The following SYN2 variants were observed in gnomAD, a reference collection of about 807,000 sequenced individuals.
SYN2 encodes the protein synapsin-2.
In SYN2, 19 loss-of-function variants were observed where a neutral mutation model predicts 50.9. The observed-to-expected ratio is 0.37, with a 90% CI of 0.26 to 0.55. The LOEUF (loss-of-function observed/expected upper bound fraction) is 0.55. Among genes scored for constraint, SYN2 ranks in the 20% least tolerant of loss-of-function variants. The pLI is 0.81. For missense variants in SYN2, 587 were observed against 576.4 expected, an observed-to-expected ratio of 1.02 and a Z score of -0.19; for synonymous variants, 255 against 224.9, an observed-to-expected ratio of 1.13 and a Z score of -1.20.
In SYN2 at chr3:12,167,207, T is replaced by G. The variant is rs746434816; in HGVS notation, c.981-27T>G. ...TCTTGCTGGTGTGGCTCACTGCCTG[T>G]CCTATCCTGGTGGGATCTTGTTGCA... On this transcript the variant is annotated intron_variant, in intron 7 of 12. Transcript: ENST00000621198. The G allele has an allele frequency of 3.7e-6, 6 of 1,608,720 alleles. No homozygotes were observed. In the Admixed American group the frequency reaches 8.4e-5, roughly 23 times the overall value.
intron 1 of SYN2, among the ~76,000 whole-genome samples, chr3:12,021,771 A>G (rs552913822): frequency 3.3e-5 from 5 of 152,100 alleles, no homozygotes; most frequent in African/African-American, 4.8e-5. Flanking sequence ...TGAAGATAAG[A>G]ATCAGATTCT....
chr3:12,166,769 C>T (rs1490054102), intron 7 of SYN2, among the ~76,000 whole-genome samples: 1 of 152,106 alleles, frequency 6.6e-6, no homozygotes, highest in Non-Finnish European at 1.5e-5. Context: ...TGATGGAATT[C>T]AGTTTGTATG....
intron 1 of SYN2, among the ~76,000 whole-genome samples, chr3:12,016,017 C>T (rs1262898763): frequency 6.6e-6 from 1 of 152,196 alleles, no homozygotes; most frequent in African/African-American, 2.4e-5. Flanking sequence ...AAATTGAGAT[C>T]CCCTTTCTCT....
chr3:12,139,320 G>A (rs795093), intron 1 of SYN2, among the ~76,000 whole-genome samples: 97,046 of 152,092 alleles, frequency 0.64, 33,595 homozygotes, highest in South Asian at 0.78. Context: ...TAAGTCCCTT[G>A]TGAGTGGAAG....
intron 1 of SYN2, among the ~76,000 whole-genome samples, chr3:12,111,947 G>T (rs1696326081): frequency 6.6e-6 from 1 of 152,166 alleles, no homozygotes; most frequent in Admixed American, 6.6e-5. Flanking sequence ...TCTGGGTCAT[G>T]GCATCATTGT....
intron 1 of SYN2, among the ~76,000 whole-genome samples, chr3:12,033,428 G>T (rs1253761088): frequency 6.6e-6 from 1 of 152,206 alleles, no homozygotes; most frequent in African/African-American, 2.4e-5. Flanking sequence ...GCTGTGACCA[G>T]TGGTAAGCTT....
At chr3:12,142,372 A>C (rs1697040459) in intron 3 of SYN2, among the ~76,000 whole-genome samples, 1 of 152,196 alleles carries the variant, frequency 6.6e-6, no homozygotes. Flanking sequence ...AGACTTGAAA[A>C]TGTCTGATGT....
intron 1 of SYN2, among the ~76,000 whole-genome samples, chr3:12,048,963 G>A (rs35976104): frequency 0.17 from 25,835 of 152,146 alleles, 2,878 homozygotes; most frequent in Non-Finnish European, 0.25. Flanking sequence ...GAACCTATAT[G>A]TCAGTCTTTT....
chr3:12,070,391 A>T (rs754550794), intron 1 of SYN2: 136 of 528,852 alleles, frequency 2.6e-4, no homozygotes, highest in Admixed American at 4.2e-4. Flanking sequence ...TACGTGGGTG[A>T]TGAGGCCCAG....
At chr3:12,074,656 G>A (rs1574925417) in intron 1 of SYN2, among the ~76,000 whole-genome samples, 1 of 152,042 alleles carries the variant, frequency 6.6e-6, no homozygotes, top group African/African-American at 2.4e-5. Context: ...TCTGTGGCTT[G>A]GATTTATACA....
intron 1 of SYN2, among the ~76,000 whole-genome samples, chr3:12,085,401 T>C (rs1695681146): frequency 6.6e-6 from 1 of 151,726 alleles, no homozygotes; most frequent in Admixed American, 6.6e-5. Context: ...ACGCACTCGA[T>C]GTCAGAGCAC....
Position 12,189,122 on chromosome 3 carries a change from TG to T in SYN2, c.1614-1367del, listed in dbSNP as rs564852622. Reference sequence around the variant, plus strand: ...CAGTTCTGTAGAAGGGAGTTTCTCCTGAGCTGCACCCAGCATTTAAGGGAGG... The same window carrying T: ...CAGTTCTGTAGAAGGGAGTTTCTCCTAGCTGCACCCAGCATTTAAGGGAGG... On this transcript the variant is annotated intron_variant, in intron 12 of 12. Transcript: ENST00000621198. Among the ~76,000 whole-genome samples the T allele has an allele frequency of 3.0e-3, 453 of 152,306 alleles. 2 individuals are homozygous for T. Among genetic ancestry groups the T allele is most frequent in the Non-Finnish European group, 5.7e-3 (389 of 68,012 alleles).
chr3:12,187,434 C>G lies in SYN2; in HGVS notation c.1435C>G (p.Pro479Ala), dbSNP rs536233797. Residue 479 changes from proline to alanine, a missense_variant, in exon 12 of 13, where the codon CCT becomes GCT. By Grantham distance (27) the Pro-to-Ala change is conservative (BLOSUM62 -1). Transcript: ENST00000621198. ...GGTGCTGCCTCCACGCCGGCTCCCC[C>G]CTGGACCATCACTGCCACCTTCCTC... ...GKVLPPRRLP[P>A]GPSLPPSSSS... 2.3e-5 allele frequency: 35 copies of G among 1,552,780 alleles called. No individual in the cohort carries two copies. The highest frequency in any genetic ancestry group is 6.8e-5 in the African/African-American group (5 of 73,110).
At chr3:12,051,319 G>A (rs1245706856) in intron 1 of SYN2, among the ~76,000 whole-genome samples, 2 of 149,288 alleles carry the variant, frequency 1.3e-5, no homozygotes, top group African/African-American at 4.9e-5. Flanking sequence ...AAGTTCCCTG[G>A]TGGCTTTTTT....
chr3:12,141,769 A>G, intron 2 of SYN2, 136 bp from the exon 3 acceptor site: 3 of 633,122 alleles, frequency 4.7e-6, no homozygotes, highest in Non-Finnish European at 5.9e-6. Flanking sequence ...TTGCTATTAG[A>G]ATTAGACTAA....
intron 1 of SYN2, among the ~76,000 whole-genome samples, chr3:12,045,778 G>A (rs115967260): frequency 0.017 from 2,582 of 152,186 alleles, 68 homozygotes; most frequent in African/African-American, 0.059. Flanking sequence ...AGTAGTGGGG[G>A]GCTCAGGAAT....
chr3:12,016,502 A>G (rs1399747066), intron 1 of SYN2, among the ~76,000 whole-genome samples: 8 of 152,224 alleles, frequency 5.3e-5, no homozygotes, highest in African/African-American at 9.6e-5. Flanking sequence ...TACTCTGCCA[A>G]CTAACTTTTT....
intron 1 of SYN2, among the ~76,000 whole-genome samples, chr3:12,130,186 A>T (rs1027467744): frequency 2.0e-5 from 3 of 151,498 alleles, no homozygotes; most frequent in Non-Finnish European, 4.4e-5. Context: ...ACATAGGTAT[A>T]TGTGTGTCTG....
chr3:12,015,681 A>G (rs997090530), intron 1 of SYN2, among the ~76,000 whole-genome samples: 2 of 152,078 alleles, frequency 1.3e-5, no homozygotes, highest in East Asian at 3.9e-4. Context: ...CCTCTCCCTC[A>G]TTCACCCTTG....
Sources: gnomAD v4.1 joint callset for allele counts (sites outside exome capture counted in the v4.1 genomes callset) on GRCh38, gnomAD v4.1.1 for gene constraint, MANE v1.5 for transcripts, NCBI Gene and HGNC (gene_info 2026-07-23, HGNC 2026-07-21) for gene names.